The following CYTH1 variants were observed in gnomAD, a reference collection of about 807,000 sequenced individuals.
CYTH1 encodes the protein cytohesin-1.
A neutral mutation model predicts 61.8 loss-of-function variants in CYTH1; 18 were observed. The ratio of observed to expected loss-of-function variants is 0.29; its 90% CI spans 0.20 to 0.43. CYTH1 has a LOEUF of 0.43. CYTH1 is among the 20% of genes least tolerant of loss of function. CYTH1 has a pLI of 1.00. For missense variants in CYTH1, 336 were observed against 510.5 expected (o/e 0.66, Z 3.29); for synonymous variants, 174 against 184.3 (o/e 0.94, Z 0.45).
chr17:78,708,370 G>GA (rs2093091061), intron 2 of CYTH1, 109 bp from the exon 3 acceptor site: 1 of 1,039,502 alleles, frequency 9.6e-7, no homozygotes, highest in Non-Finnish European at 1.4e-6. Flanking sequence ...AAAGCAAAAT[G>GA]AAACAAAATA....
intron 2 of CYTH1, 144 bp from the exon 3 acceptor site, chr17:78,708,405 A>C (rs2093091514): frequency 1.3e-6 from 1 of 748,452 alleles, no homozygotes; most frequent in Non-Finnish European, 2.2e-6. Flanking sequence ...AAAGTAAATT[A>C]GGAAAATTCA....
chr17:78,761,346 C>A (rs2093427847), intron 1 of CYTH1, among the ~76,000 whole-genome samples: 1 of 152,160 alleles, frequency 6.6e-6, no homozygotes, highest in Non-Finnish European at 1.5e-5. Context: ...TGATGTGTAA[C>A]CTATTTTTGT....
chr17:78,734,701 A>G (rs2093312460), intron 1 of CYTH1, among the ~76,000 whole-genome samples: 1 of 152,120 alleles, frequency 6.6e-6, no homozygotes, highest in African/African-American at 2.4e-5. Context: ...GGGCCTCCCA[A>G]AGTGCTGGGA....
At chr17:78,721,428 G>A (rs1236247676) in intron 1 of CYTH1, among the ~76,000 whole-genome samples, 2 of 152,246 alleles carry the variant, frequency 1.3e-5, no homozygotes, top group African/African-American at 4.8e-5. Context: ...TAGAGGCAGA[G>A]GTGCCTTCCG....
intron 1 of CYTH1, among the ~76,000 whole-genome samples, chr17:78,751,019 T>C (rs2093377985): frequency 6.6e-6 from 1 of 152,150 alleles, no homozygotes; most frequent in African/African-American, 2.4e-5. Flanking sequence ...GGTCTCACTC[T>C]GTCACCCAGG....
At chr17:78,679,365 G>C (rs991683112) in intron 13 of CYTH1, among the ~76,000 whole-genome samples, 1 of 152,176 alleles carries the variant, frequency 6.6e-6, no homozygotes, top group East Asian at 1.9e-4. Context: ...GGATCACTGA[G>C]AGAAGGCAAA....
At chr17:78,745,953 A>C (rs2093358056) in intron 1 of CYTH1, among the ~76,000 whole-genome samples, 1 of 152,148 alleles carries the variant, frequency 6.6e-6, no homozygotes, top group Non-Finnish European at 1.5e-5. Flanking sequence ...GAGGCAATTC[A>C]TGTTCTACCC....
intron 1 of CYTH1, among the ~76,000 whole-genome samples, chr17:78,741,119 C>T (rs967966880): frequency 3.3e-5 from 5 of 152,198 alleles, no homozygotes; most frequent in African/African-American, 1.2e-4. Context: ...CATTTTGATG[C>T]AAGTGTTGTT....
intron 1 of CYTH1, among the ~76,000 whole-genome samples, chr17:78,742,311 C>T (rs2093344675): frequency 6.6e-6 from 1 of 152,242 alleles, no homozygotes; most frequent in Non-Finnish European, 1.5e-5. Context: ...CCTATAATCC[C>T]AGGCCTTTAG....
chr17:78,720,462 G>A (rs1826795130), intron 1 of CYTH1, among the ~76,000 whole-genome samples: 1 of 152,196 alleles, frequency 6.6e-6, no homozygotes, highest in Admixed American at 6.5e-5. Context: ...AGGACTACAG[G>A]TGCCTGCCAC....
rs191759256 is a variant in CYTH1 at position 78,740,520 on chromosome 17, G to A, written c.23-30788C>T. 4.0e-3 allele frequency among the ~76,000 whole-genome samples: 614 copies of A among 152,266 alleles called. 12 individuals are homozygous for A. The highest frequency in any genetic ancestry group is 1.7e-3 in the Non-Finnish European group (118 of 68,018). On this transcript the variant is annotated intron_variant, in intron 1 of 13. Transcript: ENST00000446868. ...CCTCATAGGCTCCTGGCCAGGCAGC[G>A]TCCCTTAAAGCTGGAAGCATGGCAA...
chr17:78,755,166 TA>T (rs1264438335), intron 1 of CYTH1, among the ~76,000 whole-genome samples: 2 of 152,088 alleles, frequency 1.3e-5, no homozygotes, highest in African/African-American at 4.8e-5. Flanking sequence ...ATCTCAAACA[TA>T]ATATTATTTA....
intron 3 of CYTH1, among the ~76,000 whole-genome samples, chr17:78,707,675 C>T (rs1263549978): frequency 2.0e-5 from 3 of 151,438 alleles, no homozygotes; most frequent in Admixed American, 6.6e-5. Context: ...TGAAGTTCTC[C>T]AGTTCAATTT....
intron 1 of CYTH1, 24 bp from the exon 2 acceptor site, chr17:78,709,756 A>C: frequency 6.2e-7 from 1 of 1,611,658 alleles, no homozygotes; most frequent in South Asian, 1.1e-5. Flanking sequence ...GGGCAATGTT[A>C]CAAGAAAGCT....
At chr17:78,747,572 T>C (rs2093364430) in intron 1 of CYTH1, among the ~76,000 whole-genome samples, 1 of 151,530 alleles carries the variant, frequency 6.6e-6, no homozygotes. Context: ...CCCATAGGAG[T>C]CACCCCCATT....
chr17:78,772,784 C>T (rs1249381644), intron 1 of CYTH1, among the ~76,000 whole-genome samples: 1 of 152,086 alleles, frequency 6.6e-6, no homozygotes, highest in Non-Finnish European at 1.5e-5. Context: ...GATCCGGCCA[C>T]CTTGGCCTCC....
Position 78,708,254 on chromosome 17 carries a change from T to G in CYTH1, c.113A>C (p.Lys38Thr). Residue 38 changes from lysine (K) to threonine (T), a missense_variant, in exon 3 of 14, where the codon AAG becomes ACG. Physicochemically the swap from Lys to Thr is moderately conservative, Grantham distance 78 (BLOSUM62 -1). Transcript: ENST00000446868. ...QELLADIQRL[K>T]DEIAEVANEI... Reference sequence around the variant, plus strand: ...ATTAGCTACTTCTGCTATCTCATCCTTCAGCCTCTATAAAACAGACAGTCC... The same window carrying G: ...ATTAGCTACTTCTGCTATCTCATCCGTCAGCCTCTATAAAACAGACAGTCC... 6.2e-7 allele frequency: 1 copy of G among 1,612,692 alleles called. No homozygotes were observed. Among genetic ancestry groups the G allele is most frequent in the South Asian group, 1.1e-5 (1 of 90,898 alleles).
At chr17:78,710,045 T>C (rs1414399246) in intron 1 of CYTH1, among the ~76,000 whole-genome samples, 4 of 152,184 alleles carry the variant, frequency 2.6e-5, no homozygotes, top group Non-Finnish European at 5.9e-5. Flanking sequence ...GCCATTTTCA[T>C]CCCTTCCAGC....
chr17:78,706,776 G>A (rs957925320), intron 3 of CYTH1, among the ~76,000 whole-genome samples: 6 of 152,150 alleles, frequency 3.9e-5, no homozygotes, highest in South Asian at 2.1e-4. Flanking sequence ...GTGAAGTACC[G>A]TTTCATGGTG....
Sources: gnomAD v4.1 joint callset for allele counts (sites outside exome capture counted in the v4.1 genomes callset) on GRCh38, gnomAD v4.1.1 for gene constraint, MANE v1.5 for transcripts, NCBI Gene and HGNC (gene_info 2026-07-23, HGNC 2026-07-21) for gene names.